The following SNTG1 variants were observed in gnomAD, a reference collection of about 807,000 sequenced individuals.
The protein encoded by SNTG1 is gamma-1-syntrophin.
Under a neutral mutation model 74.7 loss-of-function variants are expected in SNTG1, and 39 were observed. The observed-to-expected ratio is 0.52, with a 90% CI of 0.40 to 0.68. The LOEUF is 0.68. Among genes scored for constraint, SNTG1 ranks in the 30% least tolerant of loss-of-function variants. SNTG1 has a pLI of 0.00. For synonymous variants in SNTG1, 254 were observed against 217.1 expected, an observed-to-expected ratio of 1.17 and a Z score of -1.49; for missense variants, 685 against 609.5, an observed-to-expected ratio of 1.12 and a Z score of -1.30.
intron 8 of SNTG1, among the ~76,000 whole-genome samples, chr8:50,451,535 G>A (rs1251063364): frequency 6.6e-6 from 1 of 152,090 alleles, no homozygotes; most frequent in Admixed American, 6.6e-5. Flanking sequence ...TTAACCTCAA[G>A]GCAGACAGGT....
At chr8:49,949,628 G>T (rs528688791) in intron 1 of SNTG1, among the ~76,000 whole-genome samples, 1 of 152,024 alleles carries the variant, frequency 6.6e-6, no homozygotes, top group Admixed American at 6.6e-5. Flanking sequence ...ATATTTTTCC[G>T]TTAAATATGG....
chr8:50,648,543 T>C (rs1487939432), intron 13 of SNTG1, among the ~76,000 whole-genome samples: 1 of 152,144 alleles, frequency 6.6e-6, no homozygotes, highest in Non-Finnish European at 1.5e-5. Flanking sequence ...CTTATTACAA[T>C]GACCCCAGAA....
intron 8 of SNTG1, among the ~76,000 whole-genome samples, chr8:50,500,179 CAT>C (rs1416235986): frequency 6.6e-6 from 1 of 150,890 alleles, no homozygotes; most frequent in Non-Finnish European, 1.5e-5. Context: ...CTCTATGACT[CAT>C]ATGATATGCA....
At chr8:50,499,147 T>TA (rs1020192034) in intron 8 of SNTG1, among the ~76,000 whole-genome samples, 1 of 151,810 alleles carries the variant, frequency 6.6e-6, no homozygotes, top group Non-Finnish European at 1.5e-5. Flanking sequence ...TCAATTTTTA[T>TA]AAAAAAGTCT....
chr8:50,737,317 G>C (rs1278018989), intron 17 of SNTG1, among the ~76,000 whole-genome samples: 1 of 152,006 alleles, frequency 6.6e-6, no homozygotes, highest in Non-Finnish European at 1.5e-5. Context: ...AGAATAAATG[G>C]ATAAATTCCT....
At chr8:50,545,907 A>C (rs1032652286) in intron 11 of SNTG1, among the ~76,000 whole-genome samples, 1 of 152,170 alleles carries the variant, frequency 6.6e-6, no homozygotes, top group African/African-American at 2.4e-5. Context: ...ATGGGTCTCT[A>C]ACAATAAAGC....
chr8:50,716,721 G>T (rs970647277), intron 17 of SNTG1, among the ~76,000 whole-genome samples: 12 of 133,032 alleles, frequency 9.0e-5, no homozygotes, highest in Non-Finnish European at 1.4e-4. Context: ...AAAATTCCCT[G>T]CCTTTCTTAT....
intron 17 of SNTG1, among the ~76,000 whole-genome samples, chr8:50,737,366 T>A (rs1460101872): frequency 6.6e-6 from 1 of 151,976 alleles, no homozygotes; most frequent in East Asian, 1.9e-4. Flanking sequence ...CAGGAAGAAG[T>A]CAAATCCCTG....
At chr8:50,040,499 T>C (rs991633067) in intron 1 of SNTG1, among the ~76,000 whole-genome samples, 2 of 152,174 alleles carry the variant, frequency 1.3e-5, no homozygotes, top group Non-Finnish European at 2.9e-5. Flanking sequence ...AACTACACCA[T>C]TAAAAACTTA....
chr8:50,337,842 G>A (rs2130916726), intron 2 of SNTG1, among the ~76,000 whole-genome samples: 1 of 152,288 alleles, frequency 6.6e-6, no homozygotes, highest in East Asian at 1.9e-4. Context: ...CTTTATTTAA[G>A]AAGTGTCTTT....
At chr8:50,550,533 A>G (rs1220251559) in intron 11 of SNTG1, among the ~76,000 whole-genome samples, 1 of 152,184 alleles carries the variant, frequency 6.6e-6, no homozygotes, top group Non-Finnish European at 1.5e-5. Context: ...TTAAATGAAT[A>G]AACCTACTTT....
chr8:50,657,579 T>C (rs983587633), intron 14 of SNTG1, among the ~76,000 whole-genome samples: 28 of 152,150 alleles, frequency 1.8e-4, no homozygotes, highest in African/African-American at 5.8e-4. Flanking sequence ...CTAGCTACTA[T>C]TAAGTCTATC....
chr8:50,572,109 T>C (rs2094552075), intron 12 of SNTG1, among the ~76,000 whole-genome samples: 1 of 152,112 alleles, frequency 6.6e-6, no homozygotes, highest in African/African-American at 2.4e-5. Flanking sequence ...TTTTTATTAT[T>C]TCCTGAAGCC....
At chr8:50,210,682 T>G (rs975896052) in intron 2 of SNTG1, among the ~76,000 whole-genome samples, 1 of 152,162 alleles carries the variant, frequency 6.6e-6, no homozygotes, top group Non-Finnish European at 1.5e-5. Context: ...TATAAATATT[T>G]TAATGACAAT....
intron 18 of SNTG1, among the ~76,000 whole-genome samples, chr8:50,765,853 A>G (rs1023978940): frequency 2.6e-5 from 4 of 151,978 alleles, no homozygotes; most frequent in African/African-American, 9.7e-5. Context: ...TTGTAAAATA[A>G]TGTTTTCTAT....
intron 1 of SNTG1, among the ~76,000 whole-genome samples, chr8:50,055,132 A>G (rs1408707732): frequency 6.6e-6 from 1 of 152,142 alleles, no homozygotes; most frequent in Non-Finnish European, 1.5e-5. Context: ...CAACTGCTTC[A>G]ATGGCTCCAC....
At chr8:50,225,998 TACA>T (rs1563766031) in intron 2 of SNTG1, among the ~76,000 whole-genome samples, 2 of 152,226 alleles carry the variant, frequency 1.3e-5, no homozygotes, top group African/African-American at 2.4e-5. Flanking sequence ...TATGCATACA[TACA>T]ACATGATACC....
intron 9 of SNTG1, among the ~76,000 whole-genome samples, chr8:50,527,628 T>C (rs902874284): frequency 6.6e-6 from 1 of 152,052 alleles, no homozygotes; most frequent in Non-Finnish European, 1.5e-5. Flanking sequence ...AATCATATTA[T>C]TTATTATTGT....
intron 9 of SNTG1, among the ~76,000 whole-genome samples, chr8:50,511,192 G>A (rs1467622663): frequency 6.6e-6 from 1 of 152,190 alleles, no homozygotes; most frequent in East Asian, 1.9e-4. Flanking sequence ...TCATTCAGGA[G>A]CAGGTTGTTC....
Sources: gnomAD v4.1 joint callset for allele counts (sites outside exome capture counted in the v4.1 genomes callset) on GRCh38, gnomAD v4.1.1 for gene constraint, MANE v1.5 for transcripts, NCBI Gene and HGNC (gene_info 2026-07-23, HGNC 2026-07-21) for gene names.